ADAMTS5: variants seen among roughly 807,000 people sequenced by gnomAD.
The protein encoded by ADAMTS5 is A disintegrin and metalloproteinase with thrombospondin motifs 5.
ADAMTS5 carries 54 observed loss-of-function variants against 81.4 expected under a neutral mutation model. The ratio of observed to expected loss-of-function variants is 0.66; its 90% CI spans 0.53 to 0.83. ADAMTS5 has a LOEUF of 0.83. Ranked by LOEUF, ADAMTS5 falls within the 40% of genes least tolerant of loss-of-function variation. ADAMTS5 has a pLI of 0.00. For synonymous variants in ADAMTS5, 532 were observed against 508.8 expected, an observed-to-expected ratio of 1.05 and a Z score of -0.61; for missense variants, 1,194 against 1,229.9, an observed-to-expected ratio of 0.97 and a Z score of 0.44.
At chr21:26,956,788 G>C (rs548739569) in intron 1 of ADAMTS5, among the ~76,000 whole-genome samples, 1 of 152,242 alleles carries the variant, frequency 6.6e-6, no homozygotes, top group Non-Finnish European at 1.5e-5. Flanking sequence ...ACAGCAAAGG[G>C]AAATGACCCT....
chr21:26,946,633 G>T (rs1178064177), intron 2 of ADAMTS5, among the ~76,000 whole-genome samples: 1 of 152,178 alleles, frequency 6.6e-6, no homozygotes, highest in Non-Finnish European at 1.5e-5. Context: ...AGGAGCATTA[G>T]CAGCAGATAG....
chr21:26,953,872 T>C (rs1987367774), intron 2 of ADAMTS5: 2 of 154,092 alleles, frequency 1.3e-5, no homozygotes, highest in African/African-American at 4.8e-5. Flanking sequence ...ATTATCCCTA[T>C]GTTTCAGATA....
intron 1 of ADAMTS5, among the ~76,000 whole-genome samples, chr21:26,963,511 G>A (rs754941664): frequency 6.6e-6 from 1 of 151,464 alleles, no homozygotes; most frequent in African/African-American, 2.4e-5. Flanking sequence ...CCTTGGCGCA[G>A]TATGCTTACA....
In ADAMTS5 at chr21:26,965,766, C is replaced by A; in HGVS notation, c.626G>T (p.Cys209Phe). 1 of 1,600,596 alleles carries A rather than the reference C, an allele frequency of 6.2e-7. No individual in the cohort carries two copies. ...SFEALPPRAS[C>F]ETPASTPEAH... ...CTCCGGTGTGGACGCGGGGGTTTCG[C>A]AGCTGGCGCGCGGCGGCAGGGCCTC... The change falls in exon 1 of 8, where the codon TGC becomes TTC. Residue 209 changes from cysteine to phenylalanine, a missense_variant. Transcript: ENST00000284987.
chr21:26,926,026 A>T (rs1986799984), intron 7 of ADAMTS5, among the ~76,000 whole-genome samples: 1 of 152,248 alleles, frequency 6.6e-6, no homozygotes, highest in Non-Finnish European at 1.5e-5. Context: ...CTTCAAAGAA[A>T]GTCAAAAGGG....
intron 3 of ADAMTS5, among the ~76,000 whole-genome samples, chr21:26,940,120 T>C (rs982366334): frequency 4.6e-5 from 7 of 152,210 alleles, no homozygotes; most frequent in Non-Finnish European, 7.3e-5. Context: ...GCTAATAATT[T>C]TAAAAATAAA....
intron 1 of ADAMTS5, among the ~76,000 whole-genome samples, chr21:26,957,678 G>C (rs1442116390): frequency 1.3e-5 from 2 of 152,196 alleles, no homozygotes; most frequent in Non-Finnish European, 2.9e-5. Context: ...TGTGTGGACA[G>C]TAATGCAGTG....
chr21:26,931,394 A>G (rs1197260322), intron 6 of ADAMTS5, among the ~76,000 whole-genome samples: 2 of 152,230 alleles, frequency 1.3e-5, no homozygotes, highest in African/African-American at 4.8e-5. Flanking sequence ...AAATTGCTGT[A>G]TAACACTGAC....
chr21:26,928,634 CTCTT>C (rs150642961), intron 7 of ADAMTS5, among the ~76,000 whole-genome samples: 2 of 84,340 alleles, frequency 2.4e-5, no homozygotes, highest in African/African-American at 6.7e-5. Flanking sequence ...TCCTTCCTTC[CTCTT>C]TCTTTCTCTT....
intron 2 of ADAMTS5, 122 bp downstream of exon 2, chr21:26,954,617 T>G: frequency 6.9e-7 from 1 of 1,441,354 alleles, no homozygotes; most frequent in Admixed American, 2.3e-5. Context: ...ATAAACAAAT[T>G]TAATTCCCAG....
intron 1 of ADAMTS5, among the ~76,000 whole-genome samples, chr21:26,959,193 G>A (rs934144372): frequency 1.3e-5 from 2 of 152,186 alleles, no homozygotes; most frequent in South Asian, 4.1e-4. Context: ...ATGGAAGCTG[G>A]TTAGAGAGTG....
At chr21:26,927,108 T>C (rs1986819129) in intron 7 of ADAMTS5, among the ~76,000 whole-genome samples, 1 of 152,192 alleles carries the variant, frequency 6.6e-6, no homozygotes, top group African/African-American at 2.4e-5. Flanking sequence ...CCGACTACCA[T>C]AAGTGAATGC....
At chr21:26,962,098 A>G (rs1224974786) in intron 1 of ADAMTS5, among the ~76,000 whole-genome samples, 1 of 152,224 alleles carries the variant, frequency 6.6e-6, no homozygotes, top group Non-Finnish European at 1.5e-5. Flanking sequence ...CAGTGTTTCA[A>G]TCTATGAAAG....
chr21:26,942,748 G>T (rs1250955447), intron 3 of ADAMTS5, among the ~76,000 whole-genome samples: 1 of 152,138 alleles, frequency 6.6e-6, no homozygotes, highest in Non-Finnish European at 1.5e-5. Flanking sequence ...TTGTGCTCTT[G>T]AACTATATTT....
At chr21:26,940,739 T>C (rs1250330717) in intron 3 of ADAMTS5, among the ~76,000 whole-genome samples, 4 of 152,160 alleles carry the variant, frequency 2.6e-5, no homozygotes, top group African/African-American at 9.6e-5. Context: ...TGACATCGTT[T>C]AGTCTTCTAA....
Position 26,924,362 on chromosome 21 carries a change from T to C in ADAMTS5, c.2484A>G (p.Glu828=). 1.9e-6 allele frequency: 3 copies of C among 1,614,160 alleles called. No homozygotes were observed. The highest frequency in any genetic ancestry group is 2.5e-6 in the Non-Finnish European group (3 of 1,179,984). Residue 828 remains glutamate (E), a synonymous_variant, in exon 8 of 8, where the codon GAA becomes GAG. Coordinates refer to ENST00000284987, the MANE Select transcript of ADAMTS5 (RefSeq NM_007038.5). ...LHGMGYSATK[E]ILIVQILATD... is the part of the protein sequence containing the mutation. ...TTGCAAGAATCTGCACTATTAGAAT[T>C]TCCTTCGTGGCAGAGTAGCCCATGC...
chr21:26,965,616 C>T lies in ADAMTS5; in HGVS notation c.776G>A (p.Arg259Gln), dbSNP rs773983126. 8 of 1,596,946 alleles carry T rather than the reference C, an allele frequency of 5.0e-6. No homozygotes were observed. The South Asian group carries it at 5.6e-5, about 11-fold the overall frequency. Residue 259 changes from arginine (R) to glutamine (Q), a missense_variant, in exon 1 of 8, where the codon CGG becomes CAG. Physicochemically the swap from Arg to Gln is conservative, Grantham distance 43 (BLOSUM62 1). Coordinates refer to ENST00000284987, the MANE Select transcript of ADAMTS5 (RefSeq NM_007038.5). ...GCGGGCCCGGGAGATGGAGCGGCGC[C>T]GCCGCCGCCACCACGTCTGCGGTCC... ...GSGPQTWWRR[R>Q]RRSISRARQV...
At chr21:26,958,305 T>G (rs533408483) in intron 1 of ADAMTS5, among the ~76,000 whole-genome samples, 1 of 152,110 alleles carries the variant, frequency 6.6e-6, no homozygotes, top group Non-Finnish European at 1.5e-5. Flanking sequence ...GCAACTTCTG[T>G]TTCTATAGAT....
In ADAMTS5 at chr21:26,935,124, A is replaced by G. The variant is rs1309133320; in HGVS notation, c.1406-375T>C. Among the ~76,000 whole-genome samples the G allele has an allele frequency of 3.3e-5, 5 of 152,158 alleles. 1 individual carries two copies. Among genetic ancestry groups the G allele is most frequent in the South Asian group, 4.1e-4 (2 of 4,824 alleles). ...GGTGAATTTTAATAATAATAATAATAATGATAATGAAGCATTTACTCTACC... is the reference window on the plus strand; with the variant it reads ...GGTGAATTTTAATAATAATAATAATGATGATAATGAAGCATTTACTCTACC... On this transcript the variant is annotated intron_variant, in intron 3 of 7. Transcript: ENST00000284987.
Sources: gnomAD v4.1 joint callset for allele counts (sites outside exome capture counted in the v4.1 genomes callset) on GRCh38, gnomAD v4.1.1 for gene constraint, MANE v1.5 for transcripts, NCBI Gene and HGNC (gene_info 2026-07-23, HGNC 2026-07-21) for gene names.